The following DPH5 variants were observed in gnomAD, a reference collection of about 807,000 sequenced individuals.
DPH5 encodes the protein diphthamide biosynthesis 5.
A neutral mutation model predicts 31.6 loss-of-function variants in DPH5; 31 were observed. The ratio of observed to expected loss-of-function variants is 0.98; its 90% CI spans 0.74 to 1.32. The LOEUF (loss-of-function observed/expected upper bound fraction) is 1.32. Among genes scored for constraint, DPH5 ranks in the 40% most tolerant of loss-of-function variants. DPH5 has a pLI of 0.00. For missense variants in DPH5, 309 were observed against 335.7 expected (o/e 0.92, Z 0.62); for synonymous variants, 120 against 115.0 (o/e 1.04, Z -0.28).
At chr1:101,006,308 T>C (rs945420318) in intron 4 of DPH5, among the ~76,000 whole-genome samples, 1 of 151,912 alleles carries the variant, frequency 6.6e-6, no homozygotes. Context: ...ATTGTTTTAA[T>C]AGAAGAATGG....
At chr1:100,999,108 A>G (rs114662493) in intron 5 of DPH5, among the ~76,000 whole-genome samples, 3,605 of 152,336 alleles carry the variant, frequency 0.024, 135 homozygotes, top group African/African-American at 0.079. Context: ...ATTAATTTCT[A>G]TCCTAAGAAA....
rs756899294 is a variant in DPH5, at chr1:100,989,884, G to A, written c.*524C>T. 2 of 153,876 alleles carry A rather than the reference G, an allele frequency of 1.3e-5. No homozygotes were observed. Among genetic ancestry groups the A allele is most frequent in the Non-Finnish European group, 2.9e-5 (2 of 69,342 alleles). 9.5% of individuals were successfully genotyped at this position (153,876 alleles called of 1,614,324 possible). ...TGCCAAAATAGCAGCAACAACTGAT[G>A]ATATCATAGGGAAAAAACTCACTGC... On this transcript the variant is annotated 3_prime_UTR_variant, in exon 8 of 8. Transcript: ENST00000370109.
chr1:101,008,708 A>G (rs1659419837), intron 4 of DPH5, among the ~76,000 whole-genome samples: 1 of 151,804 alleles, frequency 6.6e-6, no homozygotes, highest in Non-Finnish European at 1.5e-5. Flanking sequence ...TGCTTCCAAG[A>G]CTCTCTCTTT....
At chr1:101,013,313 C>CTGGCTTT (rs1207746444) in intron 4 of DPH5, among the ~76,000 whole-genome samples, 1 of 152,202 alleles carries the variant, frequency 6.6e-6, no homozygotes, top group Non-Finnish European at 1.5e-5. Context: ...GCCCATATCA[C>CTGGCTTT]TGGCTTTTAG....
intron 4 of DPH5, among the ~76,000 whole-genome samples, chr1:101,004,530 T>C (rs1053091062): frequency 4.6e-5 from 7 of 152,162 alleles, no homozygotes; most frequent in African/African-American, 1.7e-4. Flanking sequence ...GAGTAACCTA[T>C]AGAGAAAGCA....
intron 3 of DPH5, 22 bp from the exon 4 acceptor site, chr1:101,013,840 T>C (rs751879650): frequency 1.9e-6 from 3 of 1,573,592 alleles, no homozygotes; most frequent in Non-Finnish European, 2.6e-6. Flanking sequence ...AAAGATTAGA[T>C]TGGATTAAAG....
intron 5 of DPH5, among the ~76,000 whole-genome samples, chr1:100,999,831 C>A (rs959092930): frequency 6.7e-6 from 1 of 149,388 alleles, no homozygotes; most frequent in East Asian, 2.0e-4. Context: ...AAGAGCAAGG[C>A]TCCGTCTCAA....
chr1:100,995,003 G>T, intron 6 of DPH5, 107 bp downstream of exon 6: 1 of 747,232 alleles, frequency 1.3e-6, no homozygotes, highest in East Asian at 2.6e-5. Context: ...CACTGTTAAT[G>T]AGAGCTCATT....
At chr1:101,020,374 T>G (rs1660361595) in intron 3 of DPH5, among the ~76,000 whole-genome samples, 1 of 152,130 alleles carries the variant, frequency 6.6e-6, no homozygotes, top group Non-Finnish European at 1.5e-5. Context: ...CTTTCCTTTT[T>G]GAATAGTCTC....
intron 1 of DPH5, 46 bp from the exon 2 acceptor site, chr1:101,025,512 A>G (rs913591291): frequency 4.4e-6 from 7 of 1,581,526 alleles, no homozygotes; most frequent in African/African-American, 1.3e-5. Flanking sequence ...CACCGAGGAC[A>G]TCTAAAATCT....
At chr1:100,996,006 A>C (rs1308258626) in intron 5 of DPH5, 1 of 152,246 alleles carries the variant, frequency 6.6e-6, no homozygotes, top group Non-Finnish European at 1.5e-5. Context: ...TTTCTTATAA[A>C]GGATATCAAA....
rs1660742346 is a variant in DPH5, at chr1:101,025,293, A to G, written c.135+16T>C. On this transcript the variant is annotated intron_variant, in intron 2 of 7. Coordinates refer to ENST00000370109, the MANE Select transcript of DPH5 (RefSeq NM_015958.3). ...TAGCTTTCTTCCCAGGAGGCTGGGGAACGCTCAGCACCTACCAAGGCTTCC... is the reference window on the plus strand; with the variant it reads ...TAGCTTTCTTCCCAGGAGGCTGGGGGACGCTCAGCACCTACCAAGGCTTCC... 1.2e-6 allele frequency: 2 copies of G among 1,611,980 alleles called. No individual in the cohort carries two copies. The highest frequency in any genetic ancestry group is 1.7e-6 in the Non-Finnish European group (2 of 1,179,392).
Position 101,025,350 on chromosome 1 carries a change from C to G in DPH5, c.94G>C (p.Glu32Gln). ...VVRRCSRVYL[E>Q]AYTSVLTVGK... The stretch of plus-strand genomic sequence containing the variant: ...ACAGTTAGGACTGAGGTGTAGGCTT[C>G]CAGATACACTCGACTGCAGCGTCTA... The change falls in exon 2 of 8, where the codon GAA becomes CAA. Residue 32 changes from glutamate (E) to glutamine (Q), a missense_variant. Coordinates refer to ENST00000370109, the MANE Select transcript of DPH5 (RefSeq NM_015958.3). 2.5e-6 allele frequency: 4 copies of G among 1,614,208 alleles called. No homozygotes were observed. Among genetic ancestry groups the G allele is most frequent in the Non-Finnish European group, 3.4e-6 (4 of 1,180,028 alleles).
intron 4 of DPH5, among the ~76,000 whole-genome samples, chr1:101,007,894 G>C (rs974786236): frequency 6.6e-6 from 1 of 152,072 alleles, no homozygotes; most frequent in Non-Finnish European, 1.5e-5. Context: ...AACATGCCTG[G>C]CTTTAGACAT....
chr1:100,998,239 A>AGT, intron 5 of DPH5, among the ~76,000 whole-genome samples: 1 of 152,258 alleles, frequency 6.6e-6, no homozygotes, highest in Non-Finnish European at 1.5e-5. Flanking sequence ...GGCCGGGTGC[A>AGT]GTGGCTCAAG....
At chr1:101,016,595 G>A (rs931348692) in intron 3 of DPH5, among the ~76,000 whole-genome samples, 10 of 151,232 alleles carry the variant, frequency 6.6e-5, no homozygotes, top group South Asian at 4.2e-4. Flanking sequence ...ACAGGCACCC[G>A]CCACCACGCC....
Position 100,997,372 on chromosome 1 carries a change from T to C in DPH5, c.491-2223A>G, listed in dbSNP as rs1658447351. ...CTGCTTCCTCTCCTTCCTATCTTTTTTTTTTGCTTTTGAGAAGGAGTCTCG... is the reference window on the plus strand; with the variant it reads ...CTGCTTCCTCTCCTTCCTATCTTTTCTTTTTGCTTTTGAGAAGGAGTCTCG... On this transcript the variant is annotated intron_variant, in intron 5 of 7. Coordinates refer to ENST00000370109, the MANE Select transcript of DPH5 (RefSeq NM_015958.3). Among the ~76,000 whole-genome samples the C allele has an allele frequency of 3.9e-5, 6 of 152,186 alleles. No homozygotes were observed. In the Middle Eastern group the frequency reaches 0.01, roughly 261 times the overall value.
At chr1:100,997,665 T>A (rs1436995689) in intron 5 of DPH5, among the ~76,000 whole-genome samples, 1 of 152,024 alleles carries the variant, frequency 6.6e-6, no homozygotes, top group African/African-American at 2.4e-5. Flanking sequence ...GCACCCGGCC[T>A]TTCCTGTCAT....
At position 101,024,889 on chromosome 1, in the gene DPH5, ATTCC is replaced by A. The variant is rs1183263869; in HGVS notation, c.135+416_135+419del. 282 of 163,820 alleles carry A rather than the reference ATTCC, an allele frequency of 1.7e-3. 5 individuals are homozygous for A. The East Asian group carries it at 0.045, about 26-fold the overall frequency. The allele number at this position is 163,820 out of a possible 1,614,324, so 10.1% of individuals were successfully genotyped here. On this transcript the variant is annotated intron_variant, in intron 2 of 7. Transcript: ENST00000370109. ...GATAGGATACAAAAAGGCAATCGCCATTCCCTATGGACACACTTCAAAGGGGGAA... is the reference window on the plus strand; with the variant it reads ...GATAGGATACAAAAAGGCAATCGCCACTATGGACACACTTCAAAGGGGGAA...
Sources: gnomAD v4.1 joint callset for allele counts (sites outside exome capture counted in the v4.1 genomes callset) on GRCh38, gnomAD v4.1.1 for gene constraint, MANE v1.5 for transcripts, NCBI Gene and HGNC (gene_info 2026-07-23, HGNC 2026-07-21) for gene names.